Variants in RFTN1 observed in about 807,000 individuals in gnomAD.
RFTN1 encodes raftlin, lipid raft linker 1, also known as raftlin.
In RFTN1, 26 loss-of-function variants were observed where a neutral mutation model predicts 46.5. The ratio of observed to expected loss-of-function variants is 0.56; its 90% confidence interval spans 0.41 to 0.78. The LOEUF is 0.78. Ranked by LOEUF, RFTN1 falls within the 30% of genes least tolerant of loss-of-function variation. RFTN1 has a pLI of 0.00. For missense variants in RFTN1, 693 were observed against 718.7 expected, an observed-to-expected ratio of 0.96 and a Z score of 0.41; for synonymous variants, 261 against 284.2, an observed-to-expected ratio of 0.92 and a Z score of 0.82.
rs146826796 is a variant in RFTN1, at chr3:16,326,853, G to T, written c.1170C>A (p.Tyr390Ter). The change falls in exon 8 of 10, where the codon TAC becomes TAA. Residue 390 changes from tyrosine (Y) to a stop codon, truncating the protein, a stop_gained. Transcript: ENST00000334133. LOFTEE classifies it high-confidence loss of function. ...CCGCCAGCGAGTTCAGCAGGGGCAC[G>T]TAGTCTGTCTGCACTTCGACACCCT... The part of the protein sequence containing the change: ...VLEGVEVQTD[Y>*]VPLLNSLAAY... The T allele has an allele frequency of 1.9e-6, 3 of 1,613,844 alleles. No homozygotes were observed. The highest frequency in any genetic ancestry group is 2.5e-6 in the Non-Finnish European group (3 of 1,179,952).
rs2074222400 is a variant in RFTN1 at position 16,387,568 on chromosome 3, ATT to A, written c.442-9468_442-9467del. On this transcript the variant is annotated intron_variant, in intron 4 of 9. Coordinates refer to ENST00000334133, the MANE Select transcript of RFTN1 (RefSeq NM_015150.2). The surrounding 1 kb of genome is among the most constrained non-coding windows in gnomAD (Gnocchi z 5.2). ...ACCACTTCTCTCTTCTATATCCTCA[ATT>A]TCTCTCTCTCTCTCTCTCTCTCTCT... 3.8e-5 allele frequency among the ~76,000 whole-genome samples: 1 copy of A among 26,556 alleles called. No individual in the cohort carries two copies. Among genetic ancestry groups the A allele is most frequent in the African/African-American group, 1.8e-4 (1 of 5,542 alleles). The allele number at this position is 26,556 out of a possible 152,430, so 17.4% of individuals were successfully genotyped here.
At position 16,387,570 on chromosome 3, in the gene RFTN1, TTCTCTCTCTCTCTCTC is replaced by T. The variant is rs3054539; in HGVS notation, c.442-9484_442-9469del. Among the ~76,000 whole-genome samples, 83 of 116,502 alleles carry T rather than the reference TTCTCTCTCTCTCTCTC, an allele frequency of 7.1e-4. 1 individual carries two copies. Among genetic ancestry groups the T allele is most frequent in the African/African-American group, 1.5e-3 (39 of 25,616 alleles). The allele number at this position is 116,502 out of a possible 152,430, so 76.4% of individuals were successfully genotyped here. Reference sequence around the variant, plus strand: ...CACTTCTCTCTTCTATATCCTCAATTTCTCTCTCTCTCTCTCTCTCTCTCTCTCTCTCTCTCTCTCT... The same window carrying T: ...CACTTCTCTCTTCTATATCCTCAATTTCTCTCTCTCTCTCTCTCTCTCTCT... On this transcript the variant is annotated intron_variant, in intron 4 of 9. Coordinates refer to ENST00000334133, the MANE Select transcript of RFTN1 (RefSeq NM_015150.2). The surrounding 1 kb of genome is among the most constrained non-coding windows in gnomAD (Gnocchi z 5.2).
rs560551597 is a variant in RFTN1, at chr3:16,317,369, C to T, written c.1333-137G>A. 4.6e-6 allele frequency: 4 copies of T among 878,270 alleles called. No individual in the cohort carries two copies. The African/African-American group carries it at 5.1e-5, about 11-fold the overall frequency. 54.4% of individuals were successfully genotyped at this position (878,270 alleles called of 1,614,324 possible). On this transcript the variant is annotated intron_variant, in intron 9 of 9. Transcript: ENST00000334133. The surrounding 1 kb of genome is among the most constrained non-coding windows in gnomAD (Gnocchi z 4.3). Reference sequence around the variant, plus strand: ...CCCAGCATCCCCCAGCCAGGCAGTACAGGCACCAAACTTGAATCGCACACT... The same window carrying T: ...CCCAGCATCCCCCAGCCAGGCAGTATAGGCACCAAACTTGAATCGCACACT...
At chr3:16,409,041 A>T (rs1482287497) in intron 4 of RFTN1, among the ~76,000 whole-genome samples, 1 of 152,204 alleles carries the variant, frequency 6.6e-6, no homozygotes, top group African/African-American at 2.4e-5. Context: ...GAAGACCCAT[A>T]GATAAAAGGA....
intron 3 of RFTN1, among the ~76,000 whole-genome samples, chr3:16,412,810 C>T (rs928128490): frequency 6.6e-6 from 1 of 152,192 alleles, no homozygotes; most frequent in Non-Finnish European, 1.5e-5. Flanking sequence ...AGGAGAGAGC[C>T]ACATGGCAAG....
At chr3:16,469,189 C>T (rs191453750) in intron 2 of RFTN1, among the ~76,000 whole-genome samples, 23 of 152,338 alleles carry the variant, frequency 1.5e-4, no homozygotes, top group African/African-American at 5.5e-4. Flanking sequence ...CTGCGCAACT[C>T]CCTAGCAGTT....
In RFTN1 at chr3:16,336,954, G is replaced by A. The variant is rs189956422; in HGVS notation, c.1147-10078C>T. Among the ~76,000 whole-genome samples the A allele has an allele frequency of 8.5e-5, 13 of 152,286 alleles. No homozygotes were observed. The East Asian group carries it at 2.5e-3, about 29-fold the overall frequency. On this transcript the variant is annotated intron_variant, in intron 7 of 9. Transcript: ENST00000334133. This position sits in a 1 kb window ranked among gnomAD's most constrained non-coding sequence, Gnocchi z 6.0. Reference sequence around the variant, plus strand: ...TCCAGGCCACTTTCCAACACAGCTCGGCAGCTCCTCCCATAAGAGGGAGAG... The same window carrying A: ...TCCAGGCCACTTTCCAACACAGCTCAGCAGCTCCTCCCATAAGAGGGAGAG...
chr3:16,339,713 G>C (rs1180439111), intron 7 of RFTN1: 1 of 152,184 alleles, frequency 6.6e-6, no homozygotes, highest in Non-Finnish European at 1.5e-5. Context: ...TCCACATATT[G>C]ATCATGACTT....
rs905207909 is a variant in RFTN1, at chr3:16,484,373, T to C, written c.145+9352A>G. On this transcript the variant is annotated intron_variant, in intron 2 of 9. Transcript: ENST00000334133. This position sits in a 1 kb window ranked among gnomAD's most constrained non-coding sequence, Gnocchi z 4.6. ...TGCATGTCTTGAATAAGGAATGTCA[T>C]CCTGTTATTATCATGACCACCCAAA... Among the ~76,000 whole-genome samples the C allele has an allele frequency of 1.3e-5, 2 of 152,192 alleles. No individual in the cohort carries two copies. The highest frequency in any genetic ancestry group is 2.9e-5 in the Non-Finnish European group (2 of 68,026).
intron 1 of RFTN1, among the ~76,000 whole-genome samples, chr3:16,508,700 A>ATG (rs1559382680): frequency 7.0e-6 from 1 of 142,734 alleles, no homozygotes; most frequent in African/African-American, 2.7e-5. Context: ...ACGCACGCAC[A>ATG]CACACACACA....
Position 16,321,494 on chromosome 3 carries a change from G to A in RFTN1, c.1332+1882C>T, listed in dbSNP as rs1204866401. Among the ~76,000 whole-genome samples the A allele has an allele frequency of 6.6e-6, 1 of 152,172 alleles. No homozygotes were observed. Among genetic ancestry groups the A allele is most frequent in the Non-Finnish European group, 1.5e-5 (1 of 68,022 alleles). On this transcript the variant is annotated intron_variant, in intron 9 of 9. Coordinates refer to ENST00000334133, the MANE Select transcript of RFTN1 (RefSeq NM_015150.2). This position sits in a 1 kb window ranked among gnomAD's most constrained non-coding sequence, Gnocchi z 4.8. ...TGACTCTCGGTCACCAGGGGACACA[G>A]GCCTGTGGGAGTAGGACGCTGACCC...
chr3:16,476,812 C>T (rs1186328476), intron 2 of RFTN1, among the ~76,000 whole-genome samples: 1 of 152,204 alleles, frequency 6.6e-6, no homozygotes, highest in Non-Finnish European at 1.5e-5. Flanking sequence ...TGGTTGAGTT[C>T]ATGTCCTCAC....
chr3:16,375,626 A>T (rs1257970009), intron 5 of RFTN1, among the ~76,000 whole-genome samples: 1 of 152,188 alleles, frequency 6.6e-6, no homozygotes, highest in African/African-American at 2.4e-5. Flanking sequence ...CCTAAATTTC[A>T]GAGATTCGCA....
chr3:16,505,852 C>T (rs998467956), intron 1 of RFTN1, among the ~76,000 whole-genome samples: 108 of 152,166 alleles, frequency 7.1e-4, no homozygotes, highest in African/African-American at 2.4e-3. Flanking sequence ...TGAGCTCTAA[C>T]AGGATTGCCA....
chr3:16,488,979 G>A (rs868160084), intron 2 of RFTN1, among the ~76,000 whole-genome samples: 1 of 152,176 alleles, frequency 6.6e-6, no homozygotes, highest in Non-Finnish European at 1.5e-5. Context: ...TCAAACAACA[G>A]AATACTACTC....
rs2071527428 is a variant in RFTN1 at position 16,344,720 on chromosome 3, A to C, written c.1146+13212T>G. On this transcript the variant is annotated intron_variant, in intron 7 of 9. Transcript: ENST00000334133. This position sits in a 1 kb window ranked among gnomAD's most constrained non-coding sequence, Gnocchi z 4.4. ...ATGAAGACAGACCTCCTCCCAATGA[A>C]AGCACATCGTTGCCAAGTGCGGCCT... Among the ~76,000 whole-genome samples, 1 of 152,204 alleles carries C rather than the reference A, an allele frequency of 6.6e-6. No homozygotes were observed. Among genetic ancestry groups the C allele is most frequent in the Non-Finnish European group, 1.5e-5 (1 of 68,032 alleles).
chr3:16,430,177 G>C (rs1243423754), intron 3 of RFTN1, among the ~76,000 whole-genome samples: 2 of 152,120 alleles, frequency 1.3e-5, no homozygotes, highest in African/African-American at 4.8e-5. Context: ...CAATAACACA[G>C]TCACATCCCA....
Position 16,466,417 on chromosome 3 carries a change from G to T in RFTN1, c.145+27308C>A, listed in dbSNP as rs145383587. Among the ~76,000 whole-genome samples the T allele has an allele frequency of 6.6e-6, 1 of 152,184 alleles. No homozygotes were observed. The highest frequency in any genetic ancestry group is 2.1e-4 in the South Asian group (1 of 4,824). On this transcript the variant is annotated intron_variant, in intron 2 of 9. Coordinates refer to ENST00000334133, the MANE Select transcript of RFTN1 (RefSeq NM_015150.2). The surrounding 1 kb of genome is among the most constrained non-coding windows in gnomAD (Gnocchi z 5.6). ...ATTGCAAAAATTACCAAATTACGAAGTATGAAGTGACCTCCAACATCATAT... is the reference window on the plus strand; with the variant it reads ...ATTGCAAAAATTACCAAATTACGAATTATGAAGTGACCTCCAACATCATAT...
rs754757772 is a variant in RFTN1 at position 16,370,053 on chromosome 3, A to G, written c.1030+23T>C. ...AGCAGAGTTCACAAAGGGCCACCCAAGGACTGTGAATTCCAAACATACCAT... is the reference window on the plus strand; with the variant it reads ...AGCAGAGTTCACAAAGGGCCACCCAGGGACTGTGAATTCCAAACATACCAT... On this transcript the variant is annotated intron_variant, in intron 6 of 9. Coordinates refer to ENST00000334133, the MANE Select transcript of RFTN1 (RefSeq NM_015150.2). The surrounding 1 kb of genome is among the most constrained non-coding windows in gnomAD (Gnocchi z 5.5). 7 of 1,610,488 alleles carry G rather than the reference A, an allele frequency of 4.3e-6. No homozygotes were observed. The South Asian group carries it at 7.7e-5, about 18-fold the overall frequency.
Sources: gnomAD v4.1 joint callset for allele counts (sites outside exome capture counted in the v4.1 genomes callset) on GRCh38, gnomAD v4.1.1 for gene constraint, Gnocchi (gnomAD v3.1) non-coding constraint, MANE v1.5 for transcripts, NCBI Gene and HGNC (gene_info 2026-07-23, HGNC 2026-07-21) for gene names.